Variants in ADGRB3 observed in about 807,000 individuals in gnomAD.
ADGRB3 encodes brain-specific angiogenesis inhibitor 3.
ADGRB3 carries 37 observed loss-of-function variants against 193.4 expected under a neutral mutation model. That is an observed-to-expected ratio of 0.19 (90% confidence interval 0.15 to 0.25). The LOEUF (loss-of-function observed/expected upper bound fraction) is 0.25, where lower values mean the gene tolerates loss of function less well. ADGRB3 is among the 10% of genes least tolerant of loss of function. ADGRB3 has a pLI of 1.00. For synonymous variants in ADGRB3, 690 were observed against 644.2 expected (o/e 1.07, Z -1.08); for missense variants, 1,637 against 1,852.9 (o/e 0.88, Z 2.14).
chr6:68,677,268 A>G (rs1769115633), intron 3 of ADGRB3, among the ~76,000 whole-genome samples: 1 of 152,172 alleles, frequency 6.6e-6, no homozygotes, highest in African/African-American at 2.4e-5. Flanking sequence ...TAACTAGTAA[A>G]AGATGTACTG....
intron 3 of ADGRB3, among the ~76,000 whole-genome samples, chr6:68,711,624 A>G (rs142295577): frequency 7.8e-4 from 118 of 152,214 alleles, no homozygotes; most frequent in African/African-American, 2.7e-3. Flanking sequence ...AGCTAGCCCA[A>G]CAAAGCTAAT....
intron 16 of ADGRB3, among the ~76,000 whole-genome samples, chr6:69,071,544 A>AAAAT (rs1349735552): frequency 6.6e-6 from 1 of 152,182 alleles, no homozygotes; most frequent in Non-Finnish European, 1.5e-5. Context: ...GCATTTTTTA[A>AAAAT]ATGCTTAAAA....
chr6:68,987,299 C>T (rs939298693), intron 10 of ADGRB3, among the ~76,000 whole-genome samples: 2 of 152,092 alleles, frequency 1.3e-5, no homozygotes, highest in Admixed American at 6.6e-5. Flanking sequence ...TCAACCTCCA[C>T]TTGAGTAAAA....
At chr6:69,356,888 G>A (rs1477726937) in intron 28 of ADGRB3, among the ~76,000 whole-genome samples, 2 of 152,066 alleles carry the variant, frequency 1.3e-5, no homozygotes, top group East Asian at 3.8e-4. Flanking sequence ...TTCAATTTTG[G>A]GGGATAGTTC....
intron 17 of ADGRB3, among the ~76,000 whole-genome samples, chr6:69,117,944 A>T (rs1201440301): frequency 6.6e-6 from 1 of 152,204 alleles, no homozygotes; most frequent in Non-Finnish European, 1.5e-5. Context: ...TGATTGCAGC[A>T]TTCAAGTTTT....
At chr6:69,096,722 G>A (rs1053993299) in intron 17 of ADGRB3, among the ~76,000 whole-genome samples, 2 of 152,018 alleles carry the variant, frequency 1.3e-5, no homozygotes, top group Non-Finnish European at 2.9e-5. Context: ...TTAAGTCACC[G>A]GTATACCCTG....
intron 3 of ADGRB3, among the ~76,000 whole-genome samples, chr6:68,826,789 G>T (rs1447161318): frequency 6.6e-6 from 1 of 152,126 alleles, no homozygotes; most frequent in Non-Finnish European, 1.5e-5. Context: ...ACTTGTTAAT[G>T]GATTGTATGT....
chr6:68,915,918 T>C (rs1766866047), intron 3 of ADGRB3, among the ~76,000 whole-genome samples: 1 of 152,098 alleles, frequency 6.6e-6, no homozygotes, highest in Admixed American at 6.6e-5. Context: ...TCAGGCATTA[T>C]ATGAGTTTCA....
intron 3 of ADGRB3, among the ~76,000 whole-genome samples, chr6:68,886,354 A>G (rs1335555906): frequency 2.0e-5 from 3 of 152,230 alleles, no homozygotes; most frequent in East Asian, 1.9e-4. Flanking sequence ...GTAATTCTTC[A>G]TATGTCTCTC....
chr6:69,324,769 T>C, intron 20 of ADGRB3, 103 bp from the exon 21 acceptor site: 2 of 1,310,796 alleles, frequency 1.5e-6, no homozygotes, highest in East Asian at 2.4e-5. Flanking sequence ...AGTAGATATT[T>C]GAAATAAAAG....
intron 3 of ADGRB3, among the ~76,000 whole-genome samples, chr6:68,866,688 A>T (rs1765305366): frequency 6.6e-6 from 1 of 152,196 alleles, no homozygotes; most frequent in African/African-American, 2.4e-5. Context: ...AATGGTATGG[A>T]CAATGAAGTC....
In ADGRB3 at chr6:68,662,542, T is replaced by TA. The variant is rs558165843; in HGVS notation, c.757+23117dup. Among the ~76,000 whole-genome samples, 253 of 151,576 alleles carry TA rather than the reference T, an allele frequency of 1.7e-3. 1 individual carries two copies. Among genetic ancestry groups the TA allele is most frequent in the African/African-American group, 5.9e-3 (243 of 41,476 alleles). ...GTTTTAGAAGTTGTATTAAAAATTATAAAAAAATTTCTTTCAATATCTGTT... is the reference window on the plus strand; with the variant it reads ...GTTTTAGAAGTTGTATTAAAAATTATAAAAAAAATTTCTTTCAATATCTGTT... On this transcript the variant is annotated intron_variant, in intron 3 of 31. Coordinates refer to ENST00000370598, the MANE Select transcript of ADGRB3 (RefSeq NM_001704.3).
At chr6:68,679,484 G>GC (rs1561992372) in intron 3 of ADGRB3, among the ~76,000 whole-genome samples, 1 of 152,054 alleles carries the variant, frequency 6.6e-6, no homozygotes, top group Non-Finnish European at 1.5e-5. Context: ...TAGTCACATG[G>GC]CCACACCTAG....
chr6:68,893,846 C>G (rs948499681), intron 3 of ADGRB3, among the ~76,000 whole-genome samples: 4 of 151,720 alleles, frequency 2.6e-5, no homozygotes, highest in African/African-American at 9.7e-5. Context: ...TAATTCTAAC[C>G]CTAACTTTAT....
intron 3 of ADGRB3, among the ~76,000 whole-genome samples, chr6:68,722,584 G>A (rs1014812102): frequency 6.7e-6 from 1 of 150,028 alleles, no homozygotes; most frequent in Admixed American, 6.7e-5. Flanking sequence ...GAGTCAATTT[G>A]TGTTAAATTT....
intron 24 of ADGRB3, among the ~76,000 whole-genome samples, chr6:69,334,400 T>A (rs1768797104): frequency 6.6e-6 from 1 of 152,190 alleles, no homozygotes; most frequent in Non-Finnish European, 1.5e-5. Flanking sequence ...AATATAAAAA[T>A]TTGATATCAT....
chr6:68,784,338 C>A lies in ADGRB3; in HGVS notation c.757+144906C>A, dbSNP rs1419710517. Among the ~76,000 whole-genome samples, 3 of 152,166 alleles carry A rather than the reference C, an allele frequency of 2.0e-5. No individual in the cohort carries two copies. The South Asian group carries it at 6.2e-4, about 31-fold the overall frequency. ...TTAGCCAAAAGGCTGAGAAGCGATACCAGTGTTACTTTTTTCTATGCTCAC... is the reference window on the plus strand; with the variant it reads ...TTAGCCAAAAGGCTGAGAAGCGATAACAGTGTTACTTTTTTCTATGCTCAC... On this transcript the variant is annotated intron_variant, in intron 3 of 31. Transcript: ENST00000370598.
chr6:68,965,405 A>G (rs551138435), intron 8 of ADGRB3, among the ~76,000 whole-genome samples: 8 of 151,982 alleles, frequency 5.3e-5, no homozygotes, highest in East Asian at 3.9e-4. Context: ...ATGAATTGCC[A>G]ACAAGCGAAT....
intron 17 of ADGRB3, among the ~76,000 whole-genome samples, chr6:69,189,616 T>C (rs1455967641): frequency 6.6e-6 from 1 of 152,192 alleles, no homozygotes; most frequent in Non-Finnish European, 1.5e-5. Flanking sequence ...AATATGATTC[T>C]CCTTAGGGAG....
Sources: allele counts gnomAD v4.1 joint callset (sites outside exome capture counted in the v4.1 genomes callset), GRCh38; gene constraint gnomAD v4.1.1; transcripts MANE v1.5; gene names NCBI Gene and HGNC (gene_info 2026-07-23, HGNC 2026-07-21).